The following RBFOX1 variants were observed in gnomAD, a reference collection of about 807,000 sequenced individuals.
The protein encoded by RBFOX1 is RNA binding protein fox-1 homolog 1.
Under a neutral mutation model 57.7 loss-of-function variants are expected in RBFOX1, and 8 were observed. That is an observed-to-expected ratio of 0.14 (90% CI 0.08 to 0.25). RBFOX1 has a LOEUF of 0.25. RBFOX1 is among the 10% of genes least tolerant of loss of function. The pLI is 1.00. For missense variants in RBFOX1, 611 were observed against 548.5 expected (o/e 1.11, Z -1.14); for synonymous variants, 326 against 222.4 (o/e 1.47, Z -4.15).
intron 4 of RBFOX1, among the ~76,000 whole-genome samples, chr16:7,105,893 A>G (rs1400759105): frequency 1.3e-5 from 2 of 152,024 alleles, no homozygotes; most frequent in Non-Finnish European, 1.5e-5. Context: ...GTATTGTTTC[A>G]CTCAGGAGAG....
intron 1 of RBFOX1, among the ~76,000 whole-genome samples, chr16:6,314,938 C>A (rs780331232): frequency 1.2e-4 from 18 of 152,220 alleles, no homozygotes; most frequent in Non-Finnish European, 1.8e-4. Flanking sequence ...GATGTCAGCT[C>A]CGTTGCCACT....
At chr16:6,601,575 G>A (rs2097853620) in intron 2 of RBFOX1, among the ~76,000 whole-genome samples, 1 of 152,078 alleles carries the variant, frequency 6.6e-6, no homozygotes, top group African/African-American at 2.4e-5. Flanking sequence ...TCTGGTTAAA[G>A]GCTGTAAAAG....
intron 4 of RBFOX1, among the ~76,000 whole-genome samples, chr16:7,370,462 A>G (rs1366252719): frequency 6.6e-6 from 1 of 152,090 alleles, no homozygotes; most frequent in Non-Finnish European, 1.5e-5. Flanking sequence ...AATCAAAGCG[A>G]TCTTTGTTTT....
intron 3 of RBFOX1, among the ~76,000 whole-genome samples, chr16:6,801,117 T>A (rs1161298399): frequency 6.6e-6 from 1 of 151,494 alleles, no homozygotes; most frequent in Admixed American, 6.6e-5. Context: ...GGGATTGACC[T>A]ATTAAGCATT....
chr16:6,824,856 A>G lies in RBFOX1; in HGVS notation c.-16+170206A>G, dbSNP rs867148924. Among the ~76,000 whole-genome samples the G allele has an allele frequency of 3.9e-4, 60 of 151,996 alleles. 2 individuals are homozygous for G. The highest frequency in any genetic ancestry group is 3.2e-3 in the Middle Eastern group (1 of 316). On this transcript the variant is annotated intron_variant, in intron 3 of 15. Coordinates refer to ENST00000550418, the MANE Select transcript of RBFOX1 (RefSeq NM_018723.4). The stretch of plus-strand genomic sequence containing the variant: ...TGTGGATTGGAAAGAAACACTATTA[A>G]CATTTCAAAAGTGAAATAATTGAAA...
intron 4 of RBFOX1, among the ~76,000 whole-genome samples, chr16:7,166,469 GAGA>G (rs1400971928): frequency 1.2e-4 from 18 of 152,100 alleles, no homozygotes; most frequent in Admixed American, 4.6e-4. Flanking sequence ...GAATATGAAA[GAGA>G]AGAACAGGGT....
chr16:7,579,955 C>G (rs199648998), intron 6 of RBFOX1, 35 bp downstream of exon 6: 103 of 1,608,390 alleles, frequency 6.4e-5, no homozygotes, highest in Non-Finnish European at 6.7e-5. Context: ...AGTGCCCGCT[C>G]TGGGGGTTCC....
chr16:7,067,782 G>A (rs984503490), intron 4 of RBFOX1, among the ~76,000 whole-genome samples: 11 of 147,234 alleles, frequency 7.5e-5, no homozygotes, highest in Non-Finnish European at 1.6e-4. Flanking sequence ...GAGAATATGT[G>A]TTGTTTGATT....
chr16:5,334,656 G>A (rs1425160923), intron 1 of RBFOX1, among the ~76,000 whole-genome samples: 1 of 151,982 alleles, frequency 6.6e-6, no homozygotes, highest in Non-Finnish European at 1.5e-5. Context: ...CTTTTAGGAT[G>A]TTCACATGTG....
chr16:7,341,307 T>C (rs868377185), intron 4 of RBFOX1, among the ~76,000 whole-genome samples: 59 of 152,158 alleles, frequency 3.9e-4, no homozygotes, highest in African/African-American at 1.2e-3. Context: ...ACTGTCTAGA[T>C]TGAGCTTTTC....
chr16:6,974,570 C>G (rs1314692541), intron 3 of RBFOX1, among the ~76,000 whole-genome samples: 1 of 151,968 alleles, frequency 6.6e-6, no homozygotes, highest in Non-Finnish European at 1.5e-5. Context: ...GTCTTGATCT[C>G]CTGACCTCAG....
At chr16:6,906,054 G>A (rs997782429) in intron 3 of RBFOX1, among the ~76,000 whole-genome samples, 2 of 152,154 alleles carry the variant, frequency 1.3e-5, no homozygotes, top group African/African-American at 4.8e-5. Flanking sequence ...CAGGAACAGT[G>A]AGCTCATCTC....
intron 3 of RBFOX1, among the ~76,000 whole-genome samples, chr16:6,961,320 A>G (rs1179045095): frequency 6.6e-6 from 1 of 152,224 alleles, no homozygotes; most frequent in Non-Finnish European, 1.5e-5. Context: ...TGGCCATGCA[A>G]GTGGAGCCCC....
chr16:5,379,784 C>T (rs148753943), intron 1 of RBFOX1, among the ~76,000 whole-genome samples: 2 of 152,274 alleles, frequency 1.3e-5, no homozygotes, highest in East Asian at 3.9e-4. Flanking sequence ...CAGGGCTCTC[C>T]CTTTGATCTG....
At chr16:6,966,893 CTCCA>C (rs35524908) in intron 3 of RBFOX1, among the ~76,000 whole-genome samples, 105,927 of 149,444 alleles carry the variant, frequency 0.71, 37,489 homozygotes, top group African/African-American at 0.74. Context: ...CTATTCATCT[CTCCA>C]TCCATCCATC....
rs1596366323 is a variant in RBFOX1, at chr16:5,591,814, A to G, written c.259-7088A>G. Reference sequence around the variant, plus strand: ...TGTTCCCAGTATTTTGTAATTACAAAAAGGCTTCCATGAATATCCTTGGCA... The same window carrying G: ...TGTTCCCAGTATTTTGTAATTACAAGAAGGCTTCCATGAATATCCTTGGCA... On this transcript the variant is annotated intron_variant, in intron 2 of 2. Transcript: ENST00000585867. Among the ~76,000 whole-genome samples the G allele has an allele frequency of 2.6e-5, 4 of 152,340 alleles. No homozygotes were observed. The South Asian group carries it at 8.3e-4, about 32-fold the overall frequency.
intron 2 of RBFOX1, among the ~76,000 whole-genome samples, chr16:6,378,111 G>A (rs2091402743): frequency 6.6e-6 from 1 of 152,200 alleles, no homozygotes; most frequent in South Asian, 2.1e-4. Context: ...TAAGATGATG[G>A]CTCATTTATC....
chr16:7,168,993 C>T (rs1191261091), intron 4 of RBFOX1, among the ~76,000 whole-genome samples: 1 of 152,116 alleles, frequency 6.6e-6, no homozygotes, highest in Non-Finnish European at 1.5e-5. Flanking sequence ...TAATTAAGAG[C>T]AATAAACTAT....
intron 3 of RBFOX1, among the ~76,000 whole-genome samples, chr16:6,985,601 G>C (rs904424052): frequency 6.6e-6 from 1 of 152,204 alleles, no homozygotes; most frequent in African/African-American, 2.4e-5. Context: ...GCCAAGGTGG[G>C]TGGATCATTT....
Sources: gnomAD v4.1 joint callset for allele counts (sites outside exome capture counted in the v4.1 genomes callset) on GRCh38, gnomAD v4.1.1 for gene constraint, MANE v1.5 for transcripts, NCBI Gene and HGNC (gene_info 2026-07-23, HGNC 2026-07-21) for gene names.